DOCK5: variants seen among roughly 807,000 people sequenced by gnomAD.
DOCK5 encodes the protein dedicator of cytokinesis protein 5.
In DOCK5, 142 loss-of-function variants were observed where a neutral mutation model predicts 251.8. The observed-to-expected ratio is 0.56, with a 90% CI of 0.49 to 0.65. DOCK5 has a LOEUF of 0.65. DOCK5 is among the 30% of genes least tolerant of loss of function. The probability of loss-of-function intolerance (pLI) is 0.00; values close to 1 mark genes in which losing one functional copy is unlikely to be tolerated. For synonymous variants in DOCK5, 842 were observed against 835.5 expected (o/e 1.01, Z -0.13); for missense variants, 2,111 against 2,312.3 (o/e 0.91, Z 1.79).
chr8:25,242,819 C>T lies in DOCK5; in HGVS notation c.44-855C>T, dbSNP rs534490486. 5.3e-5 allele frequency among the ~76,000 whole-genome samples: 8 copies of T among 152,258 alleles called. No homozygotes were observed. In the East Asian group the frequency reaches 1.5e-3, roughly 29 times the overall value. On this transcript the variant is annotated intron_variant, in intron 1 of 51. Transcript: ENST00000276440. The stretch of plus-strand genomic sequence containing the variant: ...GGTGCCCTGGGCTGGGGCCAGGCAC[C>T]ATCGTTGCACCGTGCCCTGTGTCAG...
intron 2 of DOCK5, among the ~76,000 whole-genome samples, chr8:25,261,418 G>T (rs1047232561): frequency 1.3e-5 from 2 of 152,126 alleles, no homozygotes; most frequent in Admixed American, 6.5e-5. Flanking sequence ...TCTTTGGGAA[G>T]ACAAAATACC....
intron 11 of DOCK5, among the ~76,000 whole-genome samples, chr8:25,307,086 A>C (rs1804961165): frequency 6.6e-6 from 1 of 151,958 alleles, no homozygotes; most frequent in African/African-American, 2.4e-5. Context: ...CTATAATATC[A>C]CTAGGCAATA....
At chr8:25,325,255 A>G (rs1586330536) in intron 17 of DOCK5, 109 bp from the exon 18 acceptor site, 1 of 1,173,764 alleles carries the variant, frequency 8.5e-7, no homozygotes, top group East Asian at 2.4e-5. Context: ...TTCAGGATAA[A>G]TTGATAAGTC....
At chr8:25,264,444 C>T (rs1803682875) in intron 2 of DOCK5, among the ~76,000 whole-genome samples, 1 of 151,820 alleles carries the variant, frequency 6.6e-6, no homozygotes, top group African/African-American at 2.4e-5. Context: ...CTCTTCACTG[C>T]ACCCACCACT....
At chr8:25,345,254 AT>A (rs35685614) in intron 25 of DOCK5, 98,957 of 325,226 alleles carry the variant, frequency 0.3, 6,127 homozygotes, top group African/African-American at 0.43. Flanking sequence ...GAGAAGGGTC[AT>A]TTTTTTTTTT....
Position 25,411,473 on chromosome 8 carries a change from T to G in DOCK5, c.*175T>G. On this transcript the variant is annotated 3_prime_UTR_variant, in exon 52 of 52. Transcript: ENST00000276440. ...TTCCAAAAGCTTCTCTTTGATAGAA[T>G]TTTGAGGCCATGCCACCTCCCTTCC... The G allele has an allele frequency of 2.1e-6, 2 of 955,262 alleles. No homozygotes were observed. The highest frequency in any genetic ancestry group is 2.8e-6 in the Non-Finnish European group (2 of 718,878). The allele number at this position is 955,262 out of a possible 1,614,324, so 59.2% of individuals were successfully genotyped here.
Position 25,378,611 on chromosome 8 carries a change from G to A in DOCK5, c.3936+1187G>A, listed in dbSNP as rs148393280. On this transcript the variant is annotated intron_variant, in intron 38 of 51. Transcript: ENST00000276440. ...TTGAATAGTATCCGTCTAAGAGACA[G>A]CTCATGAAATACCAAAGGGGTTAGA... Among the ~76,000 whole-genome samples the A allele has an allele frequency of 9.2e-5, 14 of 152,274 alleles. No homozygotes were observed. The East Asian group carries it at 2.1e-3, about 23-fold the overall frequency.
intron 4 of DOCK5, chr8:25,277,176 G>T: frequency 6.5e-6 from 1 of 154,066 alleles, no homozygotes; most frequent in South Asian, 1.8e-4. Flanking sequence ...ATGCAACATT[G>T]GTCTGTAACT....
chr8:25,185,947 C>T (rs1013149348), intron 1 of DOCK5, among the ~76,000 whole-genome samples: 9 of 152,184 alleles, frequency 5.9e-5, no homozygotes, highest in African/African-American at 2.2e-4. Context: ...ACAATAAACA[C>T]GGCTGAGTGT....
Position 25,400,954 on chromosome 8 carries a change from G to C in DOCK5, c.4814G>C (p.Arg1605Pro). 6.2e-7 allele frequency: 1 copy of C among 1,613,932 alleles called. No individual in the cohort carries two copies. The highest frequency in any genetic ancestry group is 8.5e-7 in the Non-Finnish European group (1 of 1,179,880). The change falls in exon 47 of 52, where the codon CGC becomes CCC. Residue 1605 changes from arginine to proline, a missense_variant. Physicochemically the swap from Arg to Pro is moderately radical, Grantham distance 103 (BLOSUM62 -2). Around this residue, in one of 3 missense-constraint regions of DOCK5, gnomAD observed 1,717 missense variants for 1,892.4 expected, o/e 0.91. Coordinates refer to ENST00000276440, the MANE Select transcript of DOCK5 (RefSeq NM_024940.8). ...LQMPLLTEGI[R>P]IHGEKLTEQL... is the part of the protein sequence containing the mutation. ...ATGCCCCTGCTAACAGAAGGGATCCGCATCCATGGGGAGAAACTCACAGAG... is the reference window on the plus strand; with the variant it reads ...ATGCCCCTGCTAACAGAAGGGATCCCCATCCATGGGGAGAAACTCACAGAG...
At chr8:25,225,332 A>G (rs1160155862) in intron 1 of DOCK5, among the ~76,000 whole-genome samples, 1 of 152,222 alleles carries the variant, frequency 6.6e-6, no homozygotes, top group Non-Finnish European at 1.5e-5. Flanking sequence ...ATAGCAAAAC[A>G]TGGAAGCAAC....
intron 13 of DOCK5, among the ~76,000 whole-genome samples, chr8:25,316,401 A>G (rs1466929521): frequency 3.3e-5 from 5 of 152,292 alleles, no homozygotes; most frequent in South Asian, 2.1e-4. Flanking sequence ...GAATCACTTG[A>G]GCCCAAGAGG....
chr8:25,383,903 A>T (rs187253931), intron 40 of DOCK5, among the ~76,000 whole-genome samples: 24 of 152,346 alleles, frequency 1.6e-4, no homozygotes, highest in Admixed American at 8.5e-4. Context: ...ACCCTGTGCT[A>T]TAAGAATCTG....
In DOCK5 at chr8:25,386,662, A is replaced by G. The variant is rs559971236; in HGVS notation, c.4132-2429A>G. Among the ~76,000 whole-genome samples, 19 of 152,276 alleles carry G rather than the reference A, an allele frequency of 1.2e-4. No individual in the cohort carries two copies. The East Asian group carries it at 3.7e-3, about 29-fold the overall frequency. On this transcript the variant is annotated intron_variant, in intron 40 of 51. Coordinates refer to ENST00000276440, the MANE Select transcript of DOCK5 (RefSeq NM_024940.8). ...ATGCATCAGGGTCTAGTGTTAGCTC[A>G]GCTTCAATCCAGGTCAACATAAAAG...
chr8:25,408,685 G>A (rs1006569159), intron 49 of DOCK5, 117 bp from the exon 50 acceptor site: 23 of 1,222,962 alleles, frequency 1.9e-5, no homozygotes, highest in Middle Eastern at 2.5e-4. Flanking sequence ...CTTAAAAATC[G>A]CTCCTTCAGT....
intron 37 of DOCK5, chr8:25,375,045 T>C: frequency 9.7e-7 from 1 of 1,029,664 alleles, no homozygotes; most frequent in Non-Finnish European, 1.2e-6. Context: ...TAAATGTATG[T>C]TGTGGTTTAG....
chr8:25,317,813 A>G (rs770355610), intron 14 of DOCK5, among the ~76,000 whole-genome samples: 9 of 152,074 alleles, frequency 5.9e-5, no homozygotes, highest in Admixed American at 4.6e-4. Context: ...GGGTTTCACC[A>G]TGTTAGCCAG....
At chr8:25,292,691 T>C (rs1375117090) in intron 6 of DOCK5, among the ~76,000 whole-genome samples, 2 of 152,164 alleles carry the variant, frequency 1.3e-5, no homozygotes, top group Non-Finnish European at 2.9e-5. Flanking sequence ...TGAGCCATGA[T>C]TGCATGCCTG....
chr8:25,411,081 A>G (rs1801623689), intron 51 of DOCK5, 113 bp from the exon 52 acceptor site: 1 of 1,311,294 alleles, frequency 7.6e-7, no homozygotes, highest in Non-Finnish European at 1.0e-6. Context: ...AAGCCTGTGT[A>G]GATAAACTCA....
Sources: gnomAD v4.1 joint callset for allele counts (sites outside exome capture counted in the v4.1 genomes callset) on GRCh38, gnomAD v4.1.1 for gene constraint, gnomAD v4.1.1 regional missense constraint, MANE v1.5 for transcripts, NCBI Gene and HGNC (gene_info 2026-07-23, HGNC 2026-07-21) for gene names.